Variants in STK24 observed in about 807,000 individuals in gnomAD.
STK24 encodes serine/threonine-protein kinase 24.
Under a neutral mutation model 55.6 loss-of-function variants are expected in STK24, and 21 were observed. The observed-to-expected ratio is 0.38, with a 90% CI of 0.27 to 0.54. STK24 has a LOEUF of 0.54. Ranked by LOEUF, STK24 falls within the 20% of genes least tolerant of loss-of-function variation. The pLI, the probability that STK24 is intolerant of heterozygous loss-of-function variation, is 0.79. For missense variants in STK24, 383 were observed against 538.4 expected (o/e 0.71, Z 2.86); for synonymous variants, 200 against 215.2 (o/e 0.93, Z 0.62).
At chr13:98,504,384 T>C (rs911235309) in intron 2 of STK24, among the ~76,000 whole-genome samples, 1 of 152,202 alleles carries the variant, frequency 6.6e-6, no homozygotes, top group African/African-American at 2.4e-5. Flanking sequence ...AGATTTCTGG[T>C]CCACCATGCC....
chr13:98,509,466 AAC>A (rs1300494948), intron 2 of STK24, among the ~76,000 whole-genome samples: 2 of 152,062 alleles, frequency 1.3e-5, no homozygotes, highest in African/African-American at 2.4e-5. Flanking sequence ...CACTACTGAA[AAC>A]AGTCTCAACA....
At chr13:98,568,984 G>A (rs546751919) in intron 1 of STK24, among the ~76,000 whole-genome samples, 2 of 152,224 alleles carry the variant, frequency 1.3e-5, no homozygotes, top group South Asian at 4.1e-4. Context: ...GGGAATCAAA[G>A]AAAAAAGTCA....
In STK24 at chr13:98,448,305, T is replaced by C. The variant is rs774035960; in HGVS notation, c.*4868A>G. 3 of 1,612,956 alleles carry C rather than the reference T, an allele frequency of 1.9e-6. No homozygotes were observed. Among genetic ancestry groups the C allele is most frequent in the Non-Finnish European group, 1.7e-6 (2 of 1,178,886 alleles). ...CCCACGTGTTGAGTCACAAAGAGTC[T>C]CTTGTGTATTGATGGCCGGACACAC... On this transcript the variant is annotated 3_prime_UTR_variant, in exon 11 of 11. Transcript: ENST00000539966.
At chr13:98,470,473 G>T (rs1418365942) in intron 5 of STK24, among the ~76,000 whole-genome samples, 1 of 152,214 alleles carries the variant, frequency 6.6e-6, no homozygotes, top group Non-Finnish European at 1.5e-5. Context: ...GGAGCAGGCA[G>T]TCATCTTCCA....
Position 98,544,048 on chromosome 13 carries a change from T to G in STK24, c.43-24575A>C, listed in dbSNP as rs140879343. On this transcript the variant is annotated intron_variant, in intron 1 of 10. Transcript: ENST00000539966. ...ATGAAGAGGCTTCTAGTAAAAGCCA[T>G]TAAATGAAAGGTGCATTTACGTTAG... Among the ~76,000 whole-genome samples, 607 of 152,298 alleles carry G rather than the reference T, an allele frequency of 4.0e-3. 4 individuals carry two copies. Among genetic ancestry groups the G allele is most frequent in the African/African-American group, 0.014 (588 of 41,556 alleles).
chr13:98,484,852 T>C (rs1894746661), intron 2 of STK24, among the ~76,000 whole-genome samples: 1 of 152,216 alleles, frequency 6.6e-6, no homozygotes, highest in Admixed American at 6.5e-5. Context: ...GAGAGGAAGA[T>C]GGAGAAATAA....
At chr13:98,549,857 C>G (rs1280021917) in intron 1 of STK24, among the ~76,000 whole-genome samples, 1 of 152,186 alleles carries the variant, frequency 6.6e-6, no homozygotes, top group Non-Finnish European at 1.5e-5. Context: ...GGCCCCACCT[C>G]GAAACACAAT....
intron 1 of STK24, among the ~76,000 whole-genome samples, chr13:98,541,871 C>T (rs4772094): frequency 0.5 from 76,259 of 152,094 alleles, 19,261 homozygotes; most frequent in East Asian, 0.52. Flanking sequence ...ACATAAATTC[C>T]GGGAAATGTG....
intron 1 of STK24, among the ~76,000 whole-genome samples, chr13:98,536,703 G>A (rs1489072080): frequency 2.0e-5 from 3 of 152,048 alleles, no homozygotes; most frequent in African/African-American, 7.2e-5. Context: ...GATAAAAGCC[G>A]GCCTCCTAGT....
At chr13:98,470,834 G>T (rs886656761) in intron 5 of STK24, among the ~76,000 whole-genome samples, 3 of 152,198 alleles carry the variant, frequency 2.0e-5, no homozygotes, top group Admixed American at 2.0e-4. Context: ...AATAATTCTA[G>T]AAGAAACCAA....
chr13:98,473,494 G>A (rs938032647), intron 5 of STK24, among the ~76,000 whole-genome samples: 1 of 151,936 alleles, frequency 6.6e-6, no homozygotes, highest in Non-Finnish European at 1.5e-5. Flanking sequence ...AAACATGTAA[G>A]TTCCTGGTCG....
In STK24 at chr13:98,449,320, A is replaced by C. The variant is rs1365200528; in HGVS notation, c.*3853T>G. ...GTAGTATATATCGTGCCTGTCTTCA[A>C]AAACATTTCCCTTTTTATACTCATT... On this transcript the variant is annotated 3_prime_UTR_variant, in exon 11 of 11. Coordinates refer to ENST00000539966, the MANE Select transcript of STK24 (RefSeq NM_001032296.4). 1 of 152,218 alleles carries C rather than the reference A, an allele frequency of 6.6e-6. No individual in the cohort carries two copies. Among genetic ancestry groups the C allele is most frequent in the Non-Finnish European group, 1.5e-5 (1 of 68,044 alleles). 9.4% of individuals were successfully genotyped at this position (152,218 alleles called of 1,614,324 possible).
chr13:98,539,660 C>T (rs1381377823), intron 1 of STK24, among the ~76,000 whole-genome samples: 2 of 152,086 alleles, frequency 1.3e-5, no homozygotes, highest in Non-Finnish European at 2.9e-5. Context: ...TTACTAGGTC[C>T]ATAATGGCAA....
intron 2 of STK24, among the ~76,000 whole-genome samples, chr13:98,501,764 G>A (rs1361954643): frequency 3.9e-5 from 6 of 152,036 alleles, no homozygotes; most frequent in Non-Finnish European, 7.4e-5. Context: ...TCATCTCTAC[G>A]GTGAGATAAG....
At chr13:98,530,409 G>A (rs143315162) in intron 1 of STK24, among the ~76,000 whole-genome samples, 1 of 152,260 alleles carries the variant, frequency 6.6e-6, no homozygotes, top group Non-Finnish European at 1.5e-5. Flanking sequence ...TCTTCTCTTG[G>A]ATATGGTCTT....
intron 5 of STK24, among the ~76,000 whole-genome samples, chr13:98,466,902 C>T (rs968733329): frequency 1.3e-5 from 2 of 152,196 alleles, no homozygotes; most frequent in South Asian, 2.1e-4. Flanking sequence ...TGGGTGTACG[C>T]TCGCGAGTCA....
At chr13:98,532,382 G>A (rs1408539027) in intron 1 of STK24, among the ~76,000 whole-genome samples, 2 of 151,456 alleles carry the variant, frequency 1.3e-5, no homozygotes, top group East Asian at 3.9e-4. Context: ...GTAATTGATG[G>A]TGCATGCCCA....
chr13:98,456,462 G>T, intron 10 of STK24: 1 of 504,660 alleles, frequency 2.0e-6, no homozygotes, highest in East Asian at 6.1e-5. Context: ...ATCACCCTCA[G>T]GTCACACAGA....
chr13:98,533,658 T>G (rs1013858139), intron 1 of STK24, among the ~76,000 whole-genome samples: 3 of 151,776 alleles, frequency 2.0e-5, no homozygotes, highest in Non-Finnish European at 2.9e-5. Context: ...TCTCTAAAAA[T>G]AAAAAAGAAA....
Sources: allele counts gnomAD v4.1 joint callset (sites outside exome capture counted in the v4.1 genomes callset), GRCh38; gene constraint gnomAD v4.1.1; transcripts MANE v1.5; gene names NCBI Gene and HGNC (gene_info 2026-07-23, HGNC 2026-07-21).